Variants in RORB observed in about 807,000 individuals in gnomAD.
The protein encoded by RORB is nuclear receptor ROR-beta.
Under a neutral mutation model 59.1 loss-of-function variants are expected in RORB, and 6 were observed. That is an observed-to-expected ratio of 0.10 (90% CI 0.06 to 0.20). RORB has a LOEUF of 0.20. Ranked by LOEUF, RORB falls within the 10% of genes least tolerant of loss-of-function variation. The pLI, the probability that RORB is intolerant of heterozygous loss-of-function variation, is 1.00. For missense variants in RORB, 320 were observed against 560.5 expected (o/e 0.57, Z 4.33); for synonymous variants, 215 against 204.5 (o/e 1.05, Z -0.44).
intron 1 of RORB, among the ~76,000 whole-genome samples, chr9:74,551,981 G>A (rs577264347): frequency 2.4e-4 from 36 of 152,254 alleles, no homozygotes; most frequent in African/African-American, 7.9e-4. Context: ...CTACACAAGA[G>A]GCTATTGAAA....
intron 1 of RORB, among the ~76,000 whole-genome samples, chr9:74,524,503 T>A (rs773039941): frequency 1.3e-5 from 2 of 151,964 alleles, no homozygotes; most frequent in Non-Finnish European, 2.9e-5. Flanking sequence ...TTTCATTTCC[T>A]TTCTACAAGA....
At chr9:74,587,287 T>A (rs558231529) in intron 1 of RORB, among the ~76,000 whole-genome samples, 2 of 152,288 alleles carry the variant, frequency 1.3e-5, no homozygotes, top group South Asian at 4.1e-4. Context: ...GCGAAATTCT[T>A]TATCAGAAGT....
rs1423112984 is a variant in RORB, at chr9:74,497,859, G to T, written c.-118G>T. The T allele has an allele frequency of 3.9e-6, 5 of 1,286,624 alleles. No homozygotes were observed. The Admixed American group carries it at 1.0e-4, about 26-fold the overall frequency. 79.7% of individuals were successfully genotyped at this position (1,286,624 alleles called of 1,614,324 possible). On this transcript the variant is annotated 5_prime_UTR_variant, in exon 1 of 10. Coordinates refer to ENST00000376896, the MANE Select transcript of RORB (RefSeq NM_006914.4). ...TCCGCCTAAAGGGATGGTTTTCTCG[G>T]CAGAGCAGCTCTTCGCCGACCACCT...
chr9:74,586,204 A>G (rs1822796683), intron 1 of RORB, among the ~76,000 whole-genome samples: 1 of 152,154 alleles, frequency 6.6e-6, no homozygotes, highest in Admixed American at 6.5e-5. Flanking sequence ...TATTGTAGAG[A>G]AGTGTATTTT....
chr9:74,566,647 A>G (rs1234542448), intron 1 of RORB, among the ~76,000 whole-genome samples: 1 of 152,138 alleles, frequency 6.6e-6, no homozygotes, highest in East Asian at 1.9e-4. Flanking sequence ...AAACACAAAA[A>G]TTAGCTGGGT....
In RORB at chr9:74,691,108, C is replaced by T. The variant is rs1587427170; in HGVS notation, c.*5490C>T. On this transcript the variant is annotated 3_prime_UTR_variant, in exon 10 of 10. Coordinates refer to ENST00000376896, the MANE Select transcript of RORB (RefSeq NM_006914.4). ...GGGTTGTCTGTTTGTGCACTTTTTTCCTAAGCTGCTGAAATTCCTCCGATG... is the reference window on the plus strand; with the variant it reads ...GGGTTGTCTGTTTGTGCACTTTTTTTCTAAGCTGCTGAAATTCCTCCGATG... 1 of 152,312 alleles carries T rather than the reference C, an allele frequency of 6.6e-6. No individual in the cohort carries two copies. The highest frequency in any genetic ancestry group is 1.5e-5 in the Non-Finnish European group (1 of 68,060). 9.4% of individuals were successfully genotyped at this position (152,312 alleles called of 1,614,324 possible).
Position 74,596,590 on chromosome 9 carries a change from T to A in RORB, c.8-33692T>A, listed in dbSNP as rs1166890007. On this transcript the variant is annotated intron_variant, in intron 1 of 9. Transcript: ENST00000376896. ...TTAGAACACACACTGATTCAGTGAG[T>A]CCATTTTTTTCTCCATTCTAAGAGA... 2.0e-5 allele frequency among the ~76,000 whole-genome samples: 3 copies of A among 152,064 alleles called. No individual in the cohort carries two copies. In the South Asian group the frequency reaches 6.2e-4, roughly 32 times the overall value.
At chr9:74,504,673 A>G (rs1825845223) in intron 1 of RORB, among the ~76,000 whole-genome samples, 1 of 152,062 alleles carries the variant, frequency 6.6e-6, no homozygotes, top group Non-Finnish European at 1.5e-5. Context: ...CACGGACATC[A>G]GTAAAGAAAG....
chr9:74,506,107 A>G (rs1351428271), intron 1 of RORB, among the ~76,000 whole-genome samples: 1 of 152,044 alleles, frequency 6.6e-6, no homozygotes, highest in South Asian at 2.1e-4. Flanking sequence ...ATTGAGTTTC[A>G]TTTTCTTTAA....
intron 1 of RORB, among the ~76,000 whole-genome samples, chr9:74,629,827 A>G (rs1823586287): frequency 6.6e-6 from 1 of 152,182 alleles, no homozygotes; most frequent in Admixed American, 6.5e-5. Flanking sequence ...TAAAGCTACC[A>G]TGCACTGCTC....
intron 1 of RORB, among the ~76,000 whole-genome samples, chr9:74,576,587 G>A (rs2118242402): frequency 6.6e-6 from 1 of 152,136 alleles, no homozygotes; most frequent in East Asian, 1.9e-4. Context: ...GACTAGCAGG[G>A]AAACCTCTGG....
At chr9:74,677,424 TTA>T (rs1452612023) in intron 9 of RORB, among the ~76,000 whole-genome samples, 24 of 152,224 alleles carry the variant, frequency 1.6e-4, no homozygotes, top group African/African-American at 5.8e-4. Context: ...CTTTTTATGA[TTA>T]TATGTTGAAA....
At chr9:74,556,632 G>C (rs1361092257) in intron 1 of RORB, among the ~76,000 whole-genome samples, 1 of 152,022 alleles carries the variant, frequency 6.6e-6, no homozygotes, top group African/African-American at 2.4e-5. Flanking sequence ...TACTTTGCTG[G>C]GTCATAGCAA....
intron 9 of RORB, among the ~76,000 whole-genome samples, chr9:74,684,995 T>C (rs1303106021): frequency 6.6e-6 from 1 of 152,208 alleles, no homozygotes; most frequent in Non-Finnish European, 1.5e-5. Context: ...TCCAGTGTTG[T>C]TAACACTTTT....
At chr9:74,684,364 T>C (rs1391853995) in intron 9 of RORB, among the ~76,000 whole-genome samples, 1 of 152,222 alleles carries the variant, frequency 6.6e-6, no homozygotes, top group African/African-American at 2.4e-5. Flanking sequence ...TTTAACTGTA[T>C]TTTTCATCAA....
intron 1 of RORB, among the ~76,000 whole-genome samples, chr9:74,505,269 T>C (rs1359446557): frequency 6.6e-6 from 1 of 152,138 alleles, no homozygotes; most frequent in Admixed American, 6.6e-5. Context: ...GATTCTCATC[T>C]GTTCTGAAAA....
chr9:74,549,713 T>G (rs1826575987), intron 1 of RORB, among the ~76,000 whole-genome samples: 1 of 151,802 alleles, frequency 6.6e-6, no homozygotes, highest in Non-Finnish European at 1.5e-5. Flanking sequence ...AACTGTATTT[T>G]TTGACTGCTT....
chr9:74,565,103 T>G (rs1822449753), intron 1 of RORB, among the ~76,000 whole-genome samples: 1 of 152,196 alleles, frequency 6.6e-6, no homozygotes, highest in South Asian at 2.1e-4. Context: ...TGTTGTTACA[T>G]CTCTGTCAGT....
chr9:74,681,413 T>C (rs780557212), intron 9 of RORB, among the ~76,000 whole-genome samples: 1 of 152,222 alleles, frequency 6.6e-6, no homozygotes, highest in African/African-American at 2.4e-5. Context: ...CTATCGGCAC[T>C]TCTGTTTCCA....
Sources: allele counts gnomAD v4.1 joint callset (sites outside exome capture counted in the v4.1 genomes callset), GRCh38; gene constraint gnomAD v4.1.1; transcripts MANE v1.5; gene names NCBI Gene and HGNC (gene_info 2026-07-23, HGNC 2026-07-21).